TAC4: variants seen among roughly 807,000 people sequenced by gnomAD.
TAC4 encodes tachykinin precursor 4.
In TAC4, 17 loss-of-function variants were observed where a neutral mutation model predicts 17.7. The ratio of observed to expected loss-of-function variants is 0.96; its 90% CI spans 0.66 to 1.44. The LOEUF is 1.44. Ranked by LOEUF, TAC4 falls within the 40% of genes most tolerant of loss-of-function variation. The pLI, the probability that TAC4 is intolerant of heterozygous loss-of-function variation, is 0.00. For synonymous variants in TAC4, 62 were observed against 52.4 expected, an observed-to-expected ratio of 1.18 and a Z score of -0.79; for missense variants, 118 against 125.6, an observed-to-expected ratio of 0.94 and a Z score of 0.29.
At chr17:49,838,732 C>A (rs943669635) in intron 4 of TAC4, 59 bp from the exon 5 acceptor site, 1 of 1,570,958 alleles carries the variant, frequency 6.4e-7, no homozygotes, top group Admixed American at 1.9e-5. Flanking sequence ...GGCTCCTCCA[C>A]CCTTAGAAGT....
intron 1 of TAC4, among the ~76,000 whole-genome samples, chr17:49,845,615 A>G (rs541408272): frequency 1.2e-4 from 19 of 152,270 alleles, no homozygotes; most frequent in South Asian, 1.0e-3. Context: ...CAGGAAAGCT[A>G]AAGATAGACA....
chr17:49,840,061 GC>G, intron 3 of TAC4, 152 bp from the exon 4 acceptor site: 1 of 643,766 alleles, frequency 1.6e-6, no homozygotes, highest in Non-Finnish European at 2.7e-6. Context: ...ATCCCGAGAG[GC>G]GAGGAAACAC....
At chr17:49,840,887 CTTTTTTTTTT>C (rs778120935) in intron 3 of TAC4, among the ~76,000 whole-genome samples, 1 of 79,556 alleles carries the variant, frequency 1.3e-5, no homozygotes, top group Middle Eastern at 0.015. Context: ...TAGATTTGTA[CTTTTTTTTTT>C]TTTTTTTTTT....
chr17:49,844,839 C>G (rs2074525537), intron 1 of TAC4, among the ~76,000 whole-genome samples: 1 of 152,182 alleles, frequency 6.6e-6, no homozygotes, highest in Non-Finnish European at 1.5e-5. Context: ...AAAGGCTGGT[C>G]TGAAACACTG....
rs1262736537 is a variant in TAC4 at position 49,838,505 on chromosome 17, G to T, written c.*137C>A. On this transcript the variant is annotated 3_prime_UTR_variant, in exon 5 of 5. Coordinates refer to ENST00000436235, the MANE Select transcript of TAC4 (RefSeq NM_001077506.2). Reference sequence around the variant, plus strand: ...TCCAGGAAGAAGCCCAGTGGGTTCAGTGTGGGCCTTGTGTGAAGTGCCAGC... The same window carrying T: ...TCCAGGAAGAAGCCCAGTGGGTTCATTGTGGGCCTTGTGTGAAGTGCCAGC... The T allele has an allele frequency of 2.9e-6, 3 of 1,039,550 alleles. No homozygotes were observed. Among genetic ancestry groups the T allele is most frequent in the Non-Finnish European group, 4.4e-6 (3 of 674,942 alleles). 64.4% of individuals were successfully genotyped at this position (1,039,550 alleles called of 1,614,324 possible).
At chr17:49,838,727 C>G in intron 4 of TAC4, 54 bp from the exon 5 acceptor site, 1 of 1,591,378 alleles carries the variant, frequency 6.3e-7, no homozygotes, top group Admixed American at 1.8e-5. Context: ...TGTCTGGCTC[C>G]TCCACCCTTA....
chr17:49,840,326 G>T (rs769755621), intron 3 of TAC4, among the ~76,000 whole-genome samples: 8 of 152,056 alleles, frequency 5.3e-5, no homozygotes. Flanking sequence ...GTCGCACTAG[G>T]CCATGGAGAC....
chr17:49,847,149 G>A (rs1325606782), intron 1 of TAC4: 2 of 1,289,978 alleles, frequency 1.6e-6, no homozygotes, highest in Non-Finnish European at 2.0e-6. Flanking sequence ...CCACCCCAGT[G>A]TCCTTACCAT....
At chr17:49,840,718 G>C (rs1227603281) in intron 3 of TAC4, among the ~76,000 whole-genome samples, 1 of 151,894 alleles carries the variant, frequency 6.6e-6, no homozygotes, top group African/African-American at 2.4e-5. Flanking sequence ...GGCCAGGCTG[G>C]TCTCGAACTC....
intron 4 of TAC4, 62 bp from the exon 5 acceptor site, chr17:49,838,735 T>G: frequency 7.0e-6 from 11 of 1,566,242 alleles, no homozygotes; most frequent in Non-Finnish European, 9.6e-6. Context: ...TCCTCCACCC[T>G]TAGAAGTCTT....
At chr17:49,842,283 C>G (rs1305424993) in intron 2 of TAC4, among the ~76,000 whole-genome samples, 1 of 151,990 alleles carries the variant, frequency 6.6e-6, no homozygotes, top group Non-Finnish European at 1.5e-5. Flanking sequence ...GTAATCCCAG[C>G]ACTTTGGGAG....
At chr17:49,847,317 C>A in intron 1 of TAC4, 1 of 1,214,216 alleles carries the variant, frequency 8.2e-7, no homozygotes, top group Admixed American at 2.5e-5. Flanking sequence ...TCTTTGCCTC[C>A]CCAATCAGAT....
At chr17:49,838,786 C>A in intron 4 of TAC4, 113 bp from the exon 5 acceptor site, 1 of 1,063,482 alleles carries the variant, frequency 9.4e-7, no homozygotes, top group Non-Finnish European at 1.4e-6. Flanking sequence ...TAACCCCTCT[C>A]TCCTTTCTGG....
intron 1 of TAC4, among the ~76,000 whole-genome samples, chr17:49,845,021 C>CTTTGAATTCTGCTCTATCAATT (rs2074527361): frequency 6.6e-6 from 1 of 152,202 alleles, no homozygotes; most frequent in Non-Finnish European, 1.5e-5. Context: ...CTTCACAGTA[C>CTTTGAATTCTGCTCTATCAATT]TGGTTCTGCT....
rs568970285 is a variant in TAC4, at chr17:49,842,313, G to A, written c.200-729C>T. ...TGGGAGTCTGAGGTGGGCGAATCAC[G>A]AGGTCAGGAATTCGAGACCAGCCCG... On this transcript the variant is annotated intron_variant, in intron 2 of 4. Transcript: ENST00000436235. Among the ~76,000 whole-genome samples, 7 of 151,936 alleles carry A rather than the reference G, an allele frequency of 4.6e-5. No homozygotes were observed. In the South Asian group the frequency reaches 1.5e-3, roughly 32 times the overall value.
chr17:49,843,152 A>G (rs1031462103), intron 2 of TAC4, among the ~76,000 whole-genome samples: 2 of 152,234 alleles, frequency 1.3e-5, no homozygotes, highest in African/African-American at 4.8e-5. Flanking sequence ...TTGCCTGGAT[A>G]TTGCGAACGT....
Position 49,844,086 on chromosome 17 carries a change from C to G in TAC4, c.177G>C (p.Gly59=), listed in dbSNP as rs1340103156. ...CACCTCCCACTCGCTTCCCCATCAG[C>G]CCAAAGAACTGGCTTGCCTTGCCCG... The part of the protein sequence containing the change: ...VKTGKASQFF[G]LMGKRVGGRP... Residue 59 remains glycine (G), a synonymous_variant, in exon 2 of 5, where the codon GGG becomes GGC. Coordinates refer to ENST00000436235, the MANE Select transcript of TAC4 (RefSeq NM_001077506.2). 1 of 1,614,024 alleles carries G rather than the reference C, an allele frequency of 6.2e-7. No homozygotes were observed. The highest frequency in any genetic ancestry group is 1.3e-5 in the African/African-American group (1 of 75,054).
At chr17:49,840,046 CTG>C (rs1165367126) in intron 3 of TAC4, 137 bp from the exon 4 acceptor site, 15 of 694,448 alleles carry the variant, frequency 2.2e-5, no homozygotes, top group Non-Finnish European at 4.9e-6. Context: ...GATCATTTCT[CTG>C]TCATCCCGAG....
chr17:49,842,836 G>A (rs957285380), intron 2 of TAC4, among the ~76,000 whole-genome samples: 2 of 152,022 alleles, frequency 1.3e-5, no homozygotes, highest in Admixed American at 6.6e-5. Context: ...TGTGTATGTC[G>A]TTTTTTAAAA....
Sources: gnomAD v4.1 joint callset for allele counts (sites outside exome capture counted in the v4.1 genomes callset) on GRCh38, gnomAD v4.1.1 for gene constraint, MANE v1.5 for transcripts, NCBI Gene and HGNC (gene_info 2026-07-23, HGNC 2026-07-21) for gene names.